Variants in SEPSECS observed in about 807,000 individuals in gnomAD.
SEPSECS encodes the protein Sep (O-phosphoserine) tRNA:Sec (selenocysteine) tRNA synthase.
A neutral mutation model predicts 52.1 loss-of-function variants in SEPSECS; 42 were observed. That is an observed-to-expected ratio of 0.81 (90% CI 0.63 to 1.04). The LOEUF is 1.04. SEPSECS is among the 50% of genes least tolerant of loss of function. The probability of loss-of-function intolerance (pLI) is 0.00; values close to 1 mark genes in which losing one functional copy is unlikely to be tolerated. For missense variants in SEPSECS, 590 were observed against 610.6 expected (o/e 0.97, Z 0.36); for synonymous variants, 216 against 211.4 (o/e 1.02, Z -0.19).
intron 9 of SEPSECS, among the ~76,000 whole-genome samples, chr4:25,126,598 T>C (rs1220593401): frequency 6.6e-6 from 1 of 152,166 alleles, no homozygotes; most frequent in Non-Finnish European, 1.5e-5. Flanking sequence ...TAAAAGATAA[T>C]TAAGTTCATA....
Position 25,123,742 on chromosome 4 carries a change from G to T in SEPSECS, c.*189C>A. 1 of 596,314 alleles carries T rather than the reference G, an allele frequency of 1.7e-6. No individual in the cohort carries two copies. Among genetic ancestry groups the T allele is most frequent in the Non-Finnish European group, 3.0e-6 (1 of 334,018 alleles). 36.9% of individuals were successfully genotyped at this position (596,314 alleles called of 1,614,324 possible). ...TATTATAACCTGTTAAGGATCACAAGGATTGATGCAGTCTAAGAATGGGAA... is the reference window on the plus strand; with the variant it reads ...TATTATAACCTGTTAAGGATCACAATGATTGATGCAGTCTAAGAATGGGAA... On this transcript the variant is annotated 3_prime_UTR_variant, in exon 11 of 11. Coordinates refer to ENST00000382103, the MANE Select transcript of SEPSECS (RefSeq NM_016955.4).
chr4:25,122,145 C>T lies in SEPSECS; in HGVS notation c.*1786G>A, dbSNP rs1321165614. On this transcript the variant is annotated 3_prime_UTR_variant, in exon 11 of 11. Coordinates refer to ENST00000382103, the MANE Select transcript of SEPSECS (RefSeq NM_016955.4). ...ATTCCCTTGAAATGAGTTACTACACCTATGTAAATTTTTTTAATGTTTGAA... is the reference window on the plus strand; with the variant it reads ...ATTCCCTTGAAATGAGTTACTACACTTATGTAAATTTTTTTAATGTTTGAA... The T allele has an allele frequency of 6.6e-6, 1 of 152,046 alleles. No individual in the cohort carries two copies. The highest frequency in any genetic ancestry group is 1.5e-5 in the Non-Finnish European group (1 of 67,994). The allele number at this position is 152,046 out of a possible 1,614,324, so 9.4% of individuals were successfully genotyped here.
At chr4:25,133,066 CT>C (rs977991283) in intron 8 of SEPSECS, among the ~76,000 whole-genome samples, 2 of 152,118 alleles carry the variant, frequency 1.3e-5, no homozygotes, top group African/African-American at 4.8e-5. Flanking sequence ...AGCACAGTTC[CT>C]GGCATACAGC....
chr4:25,144,435 G>T (rs1478643656), intron 8 of SEPSECS, among the ~76,000 whole-genome samples: 1 of 151,066 alleles, frequency 6.6e-6, no homozygotes, highest in East Asian at 1.9e-4. Flanking sequence ...CTAAAAAGAT[G>T]ACTTATCCAT....
chr4:25,148,407 G>A (rs1310293088), intron 6 of SEPSECS, among the ~76,000 whole-genome samples: 1 of 149,036 alleles, frequency 6.7e-6, no homozygotes, highest in African/African-American at 2.5e-5. Flanking sequence ...CATGGAGAGT[G>A]TGTAGTAAAT....
intron 8 of SEPSECS, among the ~76,000 whole-genome samples, chr4:25,128,429 TAACAAAAACAAAAACAAAAACAAA>T (rs142838476): frequency 1.3e-5 from 2 of 150,536 alleles, no homozygotes; most frequent in East Asian, 3.9e-4. Flanking sequence ...CTGGGTAACA[TAACAAAAACAAAAACAAAAACAAA>T]AACAAAAACA....
chr4:25,159,159 TAGAA>T, intron 1 of SEPSECS, 52 bp from the exon 2 acceptor site: 1 of 1,396,100 alleles, frequency 7.2e-7, no homozygotes, highest in South Asian at 1.3e-5. Flanking sequence ...TACCGTTCTC[TAGAA>T]TACTACAGGA....
intron 8 of SEPSECS, among the ~76,000 whole-genome samples, chr4:25,140,986 C>T (rs1387841125): frequency 6.6e-6 from 1 of 151,528 alleles, no homozygotes; most frequent in African/African-American, 2.4e-5. Flanking sequence ...ATTTCCTAAA[C>T]AATACAGTAT....
At chr4:25,150,929 C>T (rs142550373) in intron 6 of SEPSECS, among the ~76,000 whole-genome samples, 7 of 151,998 alleles carry the variant, frequency 4.6e-5, no homozygotes, top group African/African-American at 7.2e-5. Flanking sequence ...ATCACTTGAG[C>T]GTGGGAAGTT....
At chr4:25,132,204 G>C (rs1728637961) in intron 8 of SEPSECS, among the ~76,000 whole-genome samples, 3 of 152,206 alleles carry the variant, frequency 2.0e-5, no homozygotes, top group Non-Finnish European at 4.4e-5. Flanking sequence ...CTTTTCTGAA[G>C]AGATAGAGCT....
intron 6 of SEPSECS, among the ~76,000 whole-genome samples, chr4:25,147,561 T>C (rs1712038354): frequency 6.6e-6 from 1 of 152,220 alleles, no homozygotes; most frequent in Non-Finnish European, 1.5e-5. Context: ...ATGCATATTT[T>C]TGTGACTCTA....
chr4:25,126,495 T>C (rs1204450779), intron 9 of SEPSECS, among the ~76,000 whole-genome samples: 1 of 152,168 alleles, frequency 6.6e-6, no homozygotes, highest in African/African-American at 2.4e-5. Flanking sequence ...CAGCTACAAA[T>C]GATTCACCTT....
At chr4:25,156,626 T>G (rs1163232781) in intron 3 of SEPSECS, among the ~76,000 whole-genome samples, 1 of 133,054 alleles carries the variant, frequency 7.5e-6, no homozygotes, top group Admixed American at 9.6e-5. Context: ...GAGAATGGCG[T>G]GAACCCGGGA....
chr4:25,157,613 C>T (rs912894206), intron 2 of SEPSECS, among the ~76,000 whole-genome samples: 1 of 150,026 alleles, frequency 6.7e-6, no homozygotes, highest in Non-Finnish European at 1.5e-5. Context: ...GGCGCGATCT[C>T]GGCTCATTGC....
At chr4:25,155,980 GA>G in intron 4 of SEPSECS, 56 bp downstream of exon 4, 1 of 1,481,390 alleles carries the variant, frequency 6.8e-7, no homozygotes. Context: ...CTTTATATAA[GA>G]AATCTGAATT....
intron 3 of SEPSECS, 45 bp downstream of exon 3, chr4:25,156,811 G>A: frequency 1.1e-6 from 1 of 892,396 alleles, no homozygotes; most frequent in Non-Finnish European, 1.9e-6. Flanking sequence ...TGGTGTGTGT[G>A]TGTGTCCAGA....
At chr4:25,141,631 T>A (rs575996137) in intron 8 of SEPSECS, among the ~76,000 whole-genome samples, 1 of 152,300 alleles carries the variant, frequency 6.6e-6, no homozygotes, top group South Asian at 2.1e-4. Flanking sequence ...CAGGTATCCA[T>A]CCAGCTTCTG....
chr4:25,157,688 G>A (rs1712763683), intron 2 of SEPSECS, among the ~76,000 whole-genome samples: 1 of 152,004 alleles, frequency 6.6e-6, no homozygotes, highest in African/African-American at 2.4e-5. Context: ...GGGACTACAG[G>A]CGCCCGCCAC....
chr4:25,137,178 T>C (rs536983065), intron 8 of SEPSECS, among the ~76,000 whole-genome samples: 2 of 152,112 alleles, frequency 1.3e-5, no homozygotes, highest in South Asian at 2.1e-4. Flanking sequence ...GATGAAAATG[T>C]CAAAAGCAAT....
Sources: gnomAD v4.1 joint callset for allele counts (sites outside exome capture counted in the v4.1 genomes callset) on GRCh38, gnomAD v4.1.1 for gene constraint, MANE v1.5 for transcripts, NCBI Gene and HGNC (gene_info 2026-07-23, HGNC 2026-07-21) for gene names.